Variants in ABI3BP observed in about 807,000 individuals in gnomAD.
The protein encoded by ABI3BP is target of Nesh-SH3.
Under a neutral mutation model 268.6 loss-of-function variants are expected in ABI3BP, and 216 were observed. The ratio of observed to expected loss-of-function variants is 0.80; its 90% CI spans 0.72 to 0.90. ABI3BP has a LOEUF of 0.90. ABI3BP is among the 40% of genes least tolerant of loss of function. The probability of loss-of-function intolerance (pLI) is 0.00; values close to 1 mark genes in which losing one functional copy is unlikely to be tolerated. For missense variants in ABI3BP, 2,090 were observed against 2,182.4 expected, an observed-to-expected ratio of 0.96 and a Z score of 0.84; for synonymous variants, 730 against 730.0, an observed-to-expected ratio of 1.00 and a Z score of 0.00.
At chr3:100,820,930 G>A in intron 39 of ABI3BP, 124 bp downstream of exon 39, 2 of 846,322 alleles carry the variant, frequency 2.4e-6, no homozygotes, top group Non-Finnish European at 3.7e-6. Context: ...TGAAGAATAT[G>A]ATGGAATGAA....
At chr3:100,809,411 G>T (rs1325257654) in intron 49 of ABI3BP, among the ~76,000 whole-genome samples, 1 of 152,006 alleles carries the variant, frequency 6.6e-6, no homozygotes, top group Non-Finnish European at 1.5e-5. Flanking sequence ...TGAAGGTTAG[G>T]CATGTCATAA....
At chr3:100,871,673 C>T (rs7645362) in intron 9 of ABI3BP, among the ~76,000 whole-genome samples, 54,443 of 152,054 alleles carry the variant, frequency 0.36, 9,962 homozygotes, top group Admixed American at 0.41. Flanking sequence ...CCTTCCATCA[C>T]GAATGTGAGG....
intron 4 of ABI3BP, among the ~76,000 whole-genome samples, chr3:100,887,864 A>G (rs1262713934): frequency 6.6e-5 from 10 of 152,074 alleles, no homozygotes; most frequent in African/African-American, 2.4e-4. Context: ...AAAACTGGCT[A>G]CGTAATTTGT....
At chr3:100,903,833 C>T (rs146187183) in intron 2 of ABI3BP, among the ~76,000 whole-genome samples, 142 of 152,234 alleles carry the variant, frequency 9.3e-4, no homozygotes, top group African/African-American at 2.9e-3. Context: ...TAATTACCGC[C>T]GAATAAAGTA....
At chr3:100,912,089 G>C in intron 2 of ABI3BP, 1 of 661,776 alleles carries the variant, frequency 1.5e-6, no homozygotes, top group Non-Finnish European at 2.8e-6. Flanking sequence ...TCCTTAAGAA[G>C]AACACCTTCC....
At chr3:100,753,791 G>C (rs775990477) in intron 65 of ABI3BP, 28 bp downstream of exon 65, 7 of 1,608,646 alleles carry the variant, frequency 4.4e-6, no homozygotes, top group Non-Finnish European at 5.9e-6. Context: ...AAAGCATGTA[G>C]TTGTGCCTCA....
intron 39 of ABI3BP, 135 bp from the exon 40 acceptor site, chr3:100,820,438 A>C (rs2098185384): frequency 1.5e-6 from 1 of 681,576 alleles, no homozygotes; most frequent in African/African-American, 1.8e-5. Context: ...TTAACTTTTT[A>C]ATTAGAAACA....
intron 1 of ABI3BP, among the ~76,000 whole-genome samples, chr3:100,970,430 ACTCACAGGTAT>A (rs2083094031): frequency 6.6e-6 from 1 of 152,210 alleles, no homozygotes; most frequent in Non-Finnish European, 1.5e-5. Flanking sequence ...ATGATGCCCA[ACTCACAGGTAT>A]CCAGTTGCAG....
chr3:100,767,024 G>T (rs1364733236), intron 62 of ABI3BP, among the ~76,000 whole-genome samples: 13 of 151,670 alleles, frequency 8.6e-5, no homozygotes, highest in Non-Finnish European at 1.3e-4. Flanking sequence ...ATTTTTTTTT[G>T]TTGGGGAGGC....
intron 19 of ABI3BP, chr3:100,846,666 A>C (rs2152989859): frequency 2.6e-6 from 1 of 383,690 alleles, no homozygotes; most frequent in East Asian, 4.1e-5. Context: ...TCAAGAGTAT[A>C]TTTAATCAAC....
chr3:100,772,193 A>T (rs1018409041), intron 61 of ABI3BP, among the ~76,000 whole-genome samples: 3 of 152,206 alleles, frequency 2.0e-5, no homozygotes, highest in African/African-American at 7.2e-5. Context: ...AGACATACAA[A>T]ATCTGTAAGA....
In ABI3BP at chr3:100,862,349, T is replaced by A. The variant is rs1423447717; in HGVS notation, c.1247A>T (p.Lys416Ile). The A allele has an allele frequency of 6.2e-7, 1 of 1,604,766 alleles. No homozygotes were observed. The highest frequency in any genetic ancestry group is 1.7e-4 in the Middle Eastern group (1 of 5,988). The change falls in exon 14 of 68, where the codon AAA (lysine) becomes ATA (isoleucine). Residue 416 changes from lysine (K) to isoleucine (I), a missense_variant. By Grantham distance (102) the Lys-to-Ile change is moderately radical. Transcript: ENST00000471714. ...SEKPWIVPTA[K>I]ISEDSKVLQP... ...CAGAACTTTGGAATCTTCAGATATT[T>A]TAGCTGTAGGCACAATCCATGGCTT...
chr3:100,896,772 T>G (rs1253871364), intron 4 of ABI3BP, among the ~76,000 whole-genome samples: 1 of 152,106 alleles, frequency 6.6e-6, no homozygotes, highest in Non-Finnish European at 1.5e-5. Flanking sequence ...TTGAGTCCAT[T>G]TTCCAAACAA....
intron 20 of ABI3BP, chr3:100,843,841 C>T: frequency 4.1e-6 from 4 of 985,126 alleles, no homozygotes; most frequent in South Asian, 4.7e-5. Context: ...TACAAAGTTG[C>T]CTTCCACAAG....
chr3:100,834,108 C>T (rs2098539100), intron 29 of ABI3BP, among the ~76,000 whole-genome samples: 1 of 152,156 alleles, frequency 6.6e-6, no homozygotes, highest in African/African-American at 2.4e-5. Context: ...GTAGTTAGGA[C>T]TACAGGTGCA....
intron 1 of ABI3BP, among the ~76,000 whole-genome samples, chr3:100,968,680 C>G (rs956643331): frequency 1.3e-5 from 2 of 152,056 alleles, no homozygotes; most frequent in African/African-American, 4.8e-5. Flanking sequence ...TTTTAGTGTA[C>G]TTTTTTTCAT....
intron 49 of ABI3BP, among the ~76,000 whole-genome samples, chr3:100,808,811 T>C (rs1220665085): frequency 6.6e-6 from 1 of 152,042 alleles, no homozygotes; most frequent in Non-Finnish European, 1.5e-5. Context: ...AAAGAAATTC[T>C]AGGACAATCA....
In ABI3BP at chr3:100,850,731, G is replaced by C. The variant is rs1429961519; in HGVS notation, c.1355C>G (p.Thr452Arg). 1 of 1,611,582 alleles carries C rather than the reference G, an allele frequency of 6.2e-7. No individual in the cohort carries two copies. Among genetic ancestry groups the C allele is most frequent in the Non-Finnish European group, 8.5e-7 (1 of 1,178,120 alleles). ...GATAGAATCCAGAATACGATCACTT[G>C]TTGCTGTTGGAATAAATGTCAACAT... Reference protein sequence around the residue: ...EPEISDSYTATSDRILDSIPP... With the variant: ...EPEISDSYTARSDRILDSIPP... Residue 452 changes from threonine to arginine, a missense_variant, in exon 16 of 68, where the codon ACA becomes AGA. By Grantham distance (71) the Thr-to-Arg change is moderately conservative. Transcript: ENST00000471714.
intron 13 of ABI3BP, 103 bp downstream of exon 13, chr3:100,862,735 C>A: frequency 2.7e-6 from 2 of 749,138 alleles, no homozygotes; most frequent in Non-Finnish European, 4.1e-6. Context: ...GCCTAACTAT[C>A]AGTTCATGAG....
Sources: allele counts gnomAD v4.1 joint callset (sites outside exome capture counted in the v4.1 genomes callset), GRCh38; gene constraint gnomAD v4.1.1; transcripts MANE v1.5; gene names NCBI Gene and HGNC (gene_info 2026-07-23, HGNC 2026-07-21).